The following CARS2 variants were observed in gnomAD, a reference collection of about 807,000 sequenced individuals.
CARS2 encodes the protein cysteinyl-tRNA synthetase 2, mitochondrial.
In CARS2, 52 loss-of-function variants were observed where a neutral mutation model predicts 68.8. That is an observed-to-expected ratio of 0.76 (90% CI 0.61 to 0.95). The LOEUF is 0.95. Ranked by LOEUF, CARS2 falls within the 40% of genes least tolerant of loss-of-function variation. The probability of loss-of-function intolerance (pLI) is 0.00; values close to 1 mark genes in which losing one functional copy is unlikely to be tolerated. For synonymous variants in CARS2, 314 were observed against 303.6 expected (o/e 1.03, Z -0.36); for missense variants, 780 against 754.2 (o/e 1.03, Z -0.40).
chr13:110,690,089 G>A (rs769338872), intron 3 of CARS2, among the ~76,000 whole-genome samples: 11 of 152,192 alleles, frequency 7.2e-5, no homozygotes, highest in East Asian at 1.9e-4. Flanking sequence ...TCAGCTGAGC[G>A]TGGTGGCAGG....
chr13:110,699,099 C>G (rs1190829114), intron 3 of CARS2, among the ~76,000 whole-genome samples: 1 of 152,212 alleles, frequency 6.6e-6, no homozygotes, highest in East Asian at 1.9e-4. Context: ...CTCTTGCCCT[C>G]CACCATGGGA....
intron 9 of CARS2, among the ~76,000 whole-genome samples, chr13:110,660,716 T>C (rs2062479506): frequency 6.6e-6 from 1 of 152,092 alleles, no homozygotes; most frequent in Non-Finnish European, 1.5e-5. Flanking sequence ...CATACACGCT[T>C]TGATATTCCA....
chr13:110,655,815 A>T (rs1324856559), intron 9 of CARS2, among the ~76,000 whole-genome samples: 5 of 152,220 alleles, frequency 3.3e-5, no homozygotes, highest in African/African-American at 1.2e-4. Context: ...CTGCCTCATG[A>T]ATGAGACAGA....
rs748191524 is a variant in CARS2 at position 110,642,457 on chromosome 13, C to T, written c.1481G>A (p.Arg494Gln). Residue 494 changes from arginine to glutamine, a missense_variant, in exon 14 of 15, where the codon CGG becomes CAG. Physicochemically the swap from Arg to Gln is conservative, Grantham distance 43 (BLOSUM62 1). Coordinates refer to ENST00000257347, the MANE Select transcript of CARS2 (RefSeq NM_024537.4). ...CAGCGCAAACTGCCGGACCTTCTGC[C>T]GGAACCGCACCAGCTCGTCCACCAC... is the stretch of plus-strand genomic sequence containing the variant. ...HGVVDELVRF[R>Q]QKVRQFALAM... 1.7e-5 allele frequency: 27 copies of T among 1,608,642 alleles called. No individual in the cohort carries two copies. The highest frequency in any genetic ancestry group is 6.7e-5 in the South Asian group (6 of 90,090).
chr13:110,713,487 G>A, exon 1 of CARS2: 1 of 987,866 alleles, frequency 1.0e-6, no homozygotes, highest in Non-Finnish European at 1.2e-6. Flanking sequence ...CGGCCCTGAC[G>A]CTGTCCCCTC....
At chr13:110,661,958 G>A (rs2062513978) in intron 9 of CARS2, among the ~76,000 whole-genome samples, 1 of 152,174 alleles carries the variant, frequency 6.6e-6, no homozygotes, top group African/African-American at 2.4e-5. Context: ...CACCATAACA[G>A]ATTTAATAAT....
At chr13:110,671,733 A>G (rs1246884452) in intron 7 of CARS2, among the ~76,000 whole-genome samples, 1 of 152,240 alleles carries the variant, frequency 6.6e-6, no homozygotes, top group African/African-American at 2.4e-5. Context: ...TTAAATGTAA[A>G]TGGGCTAAAT....
chr13:110,705,974 C>A lies in CARS2; in HGVS notation c.120G>T (p.Arg40=). 1 of 1,516,532 alleles carries A rather than the reference C, an allele frequency of 6.6e-7. No homozygotes were observed. 93.9% of individuals were successfully genotyped at this position (1,516,532 alleles called of 1,614,324 possible). A position where few individuals can be genotyped will look rare whatever the true frequency, so the allele number is the denominator to read the frequency against. The part of the protein sequence containing the change: ...AGRAASGGRG[R]AWLQPTGRET... ...CCCGGCCCGTGGGCTGCAGCCAGGC[C>A]CGCCCGCGCCCCCCGCTCGCCGCCC... is the stretch of plus-strand genomic sequence containing the variant. The change falls in exon 1 of 15, where the codon CGG becomes CGT. Residue 40 remains arginine, a synonymous_variant. Transcript: ENST00000257347. The surrounding 1 kb of genome is among the most constrained non-coding windows in gnomAD (Gnocchi z 4.0).
intron 10 of CARS2, among the ~76,000 whole-genome samples, chr13:110,647,923 T>G (rs1479226907): frequency 6.6e-6 from 1 of 152,250 alleles, no homozygotes; most frequent in East Asian, 1.9e-4. Context: ...GTGCCTACTC[T>G]GTTTCCCAGG....
rs200302566 is a variant in CARS2, at chr13:110,642,764, G to A, written c.1417-243C>T. 73 of 735,734 alleles carry A rather than the reference G, an allele frequency of 9.9e-5. 1 individual carries two copies. The highest frequency in any genetic ancestry group is 1.8e-4 in the Admixed American group (10 of 55,366). 45.6% of individuals were successfully genotyped at this position (735,734 alleles called of 1,614,324 possible). On this transcript the variant is annotated intron_variant, in intron 13 of 14. Coordinates refer to ENST00000257347, the MANE Select transcript of CARS2 (RefSeq NM_024537.4). ...AAGCAAGGCTGAGTGATCCTCACTC[G>A]GGAGTTGGAAGAAAGGGCTGGGGGC... is the stretch of plus-strand genomic sequence containing the variant.
intron 1 of CARS2, chr13:110,712,614 G>A: frequency 2.1e-6 from 1 of 465,504 alleles, no homozygotes; most frequent in South Asian, 2.0e-5. Context: ...CAAAATCCGG[G>A]AGCTTTGGGA....
intron 9 of CARS2, among the ~76,000 whole-genome samples, chr13:110,652,161 G>A (rs901399627): frequency 2.0e-5 from 3 of 152,354 alleles, no homozygotes; most frequent in East Asian, 3.9e-4. Context: ...CGTCTCCCTC[G>A]GGTAAACCCG....
At position 110,641,626 on chromosome 13, in the gene CARS2, G is replaced by A; in HGVS notation, c.1624-18C>T. On this transcript the variant is annotated intron_variant, in intron 14 of 14. Transcript: ENST00000257347. Reference sequence around the variant, plus strand: ...CTTCTGTCCTGGAGAAGAAGAGTGAGGTCCAACTCTGAGCAGACACCACGT... The same window carrying A: ...CTTCTGTCCTGGAGAAGAAGAGTGAAGTCCAACTCTGAGCAGACACCACGT... 1 of 1,601,932 alleles carries A rather than the reference G, an allele frequency of 6.2e-7. No individual in the cohort carries two copies. The highest frequency in any genetic ancestry group is 8.6e-7 in the Non-Finnish European group (1 of 1,169,436).
At chr13:110,677,738 C>A (rs1226783014) in intron 6 of CARS2, among the ~76,000 whole-genome samples, 1 of 114,974 alleles carries the variant, frequency 8.7e-6, no homozygotes, top group African/African-American at 3.1e-5. Flanking sequence ...CACGGAAACC[C>A]AGACAGTCAC....
intron 8 of CARS2, 85 bp downstream of exon 8, chr13:110,667,255 G>GGGAA (rs1334291628): frequency 1.6e-6 from 2 of 1,235,156 alleles, no homozygotes; most frequent in East Asian, 2.4e-5. Context: ...GATCTACTAT[G>GGGAA]TATTTCCAAA....
In CARS2 at chr13:110,670,338, G is replaced by T. The variant is rs559840181; in HGVS notation, c.786-2865C>A. The stretch of plus-strand genomic sequence containing the variant: ...GGCTGACTGACACCTCATACAGCCA[G>T]GTGCCCTCTGAGACGAAGCTTCCAG... On this transcript the variant is annotated intron_variant, in intron 7 of 14. Transcript: ENST00000257347. This position sits in a 1 kb window ranked among gnomAD's most constrained non-coding sequence, Gnocchi z 4.1. Among the ~76,000 whole-genome samples the T allele has an allele frequency of 5.2e-4, 79 of 152,304 alleles. No individual in the cohort carries two copies. The highest frequency in any genetic ancestry group is 9.3e-4 in the Non-Finnish European group (63 of 68,022).
rs528101066 is a variant in CARS2 at position 110,695,925 on chromosome 13, C to A, written c.393+5513G>T. Among the ~76,000 whole-genome samples, 5 of 152,258 alleles carry A rather than the reference C, an allele frequency of 3.3e-5. 1 individual carries two copies. In the East Asian group the frequency reaches 7.7e-4, roughly 23 times the overall value. On this transcript the variant is annotated intron_variant, in intron 3 of 14. Transcript: ENST00000257347. ...TATTTCTCCTAATACTATCCCTCCC[C>A]TAGCCCCCCAACCCCTGACAGGCGC...
chr13:110,698,520 C>CA (rs879665768), intron 3 of CARS2, among the ~76,000 whole-genome samples: 5,257 of 138,204 alleles, frequency 0.038, 296 homozygotes, highest in African/African-American at 0.12. Context: ...AATTCTGTCT[C>CA]AAAAAAAAAA....
chr13:110,670,390 C>T lies in CARS2; in HGVS notation c.786-2917G>A, dbSNP rs983862182. On this transcript the variant is annotated intron_variant, in intron 7 of 14. Coordinates refer to ENST00000257347, the MANE Select transcript of CARS2 (RefSeq NM_024537.4). This position sits in a 1 kb window ranked among gnomAD's most constrained non-coding sequence, Gnocchi z 4.1. ...GGAAGGATCATGCAGCAACATTTGCCGTTCTGCAATATTTGCTGTTCTGCA... is the reference window on the plus strand; with the variant it reads ...GGAAGGATCATGCAGCAACATTTGCTGTTCTGCAATATTTGCTGTTCTGCA... Among the ~76,000 whole-genome samples, 37 of 152,122 alleles carry T rather than the reference C, an allele frequency of 2.4e-4. No individual in the cohort carries two copies. Among genetic ancestry groups the T allele is most frequent in the African/African-American group, 7.0e-4 (29 of 41,414 alleles).
Sources: allele counts gnomAD v4.1 joint callset (sites outside exome capture counted in the v4.1 genomes callset), GRCh38; gene constraint gnomAD v4.1.1; non-coding constraint Gnocchi (gnomAD v3.1); transcripts MANE v1.5; gene names NCBI Gene and HGNC (gene_info 2026-07-23, HGNC 2026-07-21).